The following TMEFF2 variants were observed in gnomAD, a reference collection of about 807,000 sequenced individuals.
TMEFF2 encodes the protein tomoregulin-2.
In TMEFF2, 28 loss-of-function variants were observed where a neutral mutation model predicts 53.8. The observed-to-expected ratio is 0.52, with a 90% CI of 0.39 to 0.71. TMEFF2 has a LOEUF of 0.71. Ranked by LOEUF, TMEFF2 falls within the 30% of genes least tolerant of loss-of-function variation. The probability of loss-of-function intolerance (pLI) is 0.00; values close to 1 mark genes in which losing one functional copy is unlikely to be tolerated. For missense variants in TMEFF2, 353 were observed against 455.2 expected, an observed-to-expected ratio of 0.78 and a Z score of 2.04; for synonymous variants, 162 against 166.3, an observed-to-expected ratio of 0.97 and a Z score of 0.20.
At chr2:192,061,208 C>G (rs1227014903) in intron 4 of TMEFF2, among the ~76,000 whole-genome samples, 6 of 152,098 alleles carry the variant, frequency 3.9e-5, no homozygotes, top group Non-Finnish European at 7.4e-5. Flanking sequence ...AAACAGTGAA[C>G]TATAATGTTC....
At chr2:192,153,594 T>C (rs1690438221) in intron 4 of TMEFF2, among the ~76,000 whole-genome samples, 3 of 151,872 alleles carry the variant, frequency 2.0e-5, no homozygotes, top group African/African-American at 7.2e-5. Context: ...AATTAGACTA[T>C]TTAAAATCAA....
chr2:192,064,671 T>C (rs1688127619), intron 4 of TMEFF2, among the ~76,000 whole-genome samples: 1 of 151,926 alleles, frequency 6.6e-6, no homozygotes, highest in South Asian at 2.1e-4. Context: ...TGCAGTTCCC[T>C]GATATCATCA....
At chr2:191,974,707 ATG>A (rs1234369915) in intron 7 of TMEFF2, among the ~76,000 whole-genome samples, 4 of 152,150 alleles carry the variant, frequency 2.6e-5, no homozygotes, top group Admixed American at 1.3e-4. Context: ...ATTTCCAGCC[ATG>A]TCTATAAAAG....
chr2:191,957,776 T>C (rs2105789113), intron 7 of TMEFF2, among the ~76,000 whole-genome samples: 1 of 152,344 alleles, frequency 6.6e-6, no homozygotes, highest in East Asian at 1.9e-4. Flanking sequence ...AGCCTGTAGA[T>C]GACATTTAAA....
intron 4 of TMEFF2, among the ~76,000 whole-genome samples, chr2:192,157,261 A>T (rs1469679855): frequency 6.6e-6 from 1 of 152,078 alleles, no homozygotes; most frequent in Non-Finnish European, 1.5e-5. Flanking sequence ...TTTGTTGCCA[A>T]ACATATCTGT....
intron 4 of TMEFF2, among the ~76,000 whole-genome samples, chr2:192,106,526 CAA>C (rs1689153291): frequency 6.6e-6 from 1 of 151,626 alleles, no homozygotes; most frequent in Non-Finnish European, 1.5e-5. Flanking sequence ...ACACTGTTTT[CAA>C]AAGATGTCCG....
At chr2:191,981,398 A>C (rs915512404) in intron 7 of TMEFF2, among the ~76,000 whole-genome samples, 4 of 152,028 alleles carry the variant, frequency 2.6e-5, no homozygotes, top group African/African-American at 9.7e-5. Context: ...AACACTCTTG[A>C]CTTCCCTTGT....
chr2:191,996,628 C>T (rs1686228526), intron 7 of TMEFF2, among the ~76,000 whole-genome samples: 1 of 151,728 alleles, frequency 6.6e-6, no homozygotes, highest in Non-Finnish European at 1.5e-5. Context: ...AACAATACTG[C>T]AAAACATGCC....
At chr2:192,076,278 C>T (rs1688430406) in intron 4 of TMEFF2, among the ~76,000 whole-genome samples, 1 of 151,988 alleles carries the variant, frequency 6.6e-6, no homozygotes, top group African/African-American at 2.4e-5. Flanking sequence ...TTGTCCTCTC[C>T]TTTCTATGTC....
In TMEFF2 at chr2:191,986,782, A is replaced by G. The variant is rs538853104; in HGVS notation, c.745+11480T>C. ...CTGAGGCAGGAGAATCACTAGAACC[A>G]GGGAAGCAGAGGTTGCCGTGAGCTG... is the stretch of plus-strand genomic sequence containing the variant. On this transcript the variant is annotated intron_variant, in intron 7 of 9. Coordinates refer to ENST00000272771, the MANE Select transcript of TMEFF2 (RefSeq NM_016192.4). Among the ~76,000 whole-genome samples, 4 of 149,258 alleles carry G rather than the reference A, an allele frequency of 2.7e-5. No individual in the cohort carries two copies. The South Asian group carries it at 8.6e-4, about 32-fold the overall frequency.
rs1470463347 is a variant in TMEFF2 at position 192,179,696 on chromosome 2, T to C, written c.413-2A>G. 2 of 1,518,310 alleles carry C rather than the reference T, an allele frequency of 1.3e-6. No individual in the cohort carries two copies. The highest frequency in any genetic ancestry group is 8.7e-7 in the Non-Finnish European group (1 of 1,143,364). The allele number at this position is 1,518,310 out of a possible 1,614,324, so 94.1% of individuals were successfully genotyped here. On this transcript the variant is annotated splice_acceptor_variant, in intron 3 of 9. Transcript: ENST00000272771. LOFTEE classifies it high-confidence loss of function. ...CATCTCCAGATCCTGATCCTGCATCTGTGGGGGGAAAAGTTATATTTGCTA... is the reference window on the plus strand; with the variant it reads ...CATCTCCAGATCCTGATCCTGCATCCGTGGGGGGAAAAGTTATATTTGCTA...
Position 191,964,335 on chromosome 2 carries a change from T to C in TMEFF2, c.746-7957A>G, listed in dbSNP as rs1221262653. On this transcript the variant is annotated intron_variant, in intron 7 of 9. Transcript: ENST00000272771. ...TCTTTCCTTCCTTCCTTTCTTTCCT[T>C]CTTTCTTTCTTTCTTTCTTTCTTTC... Among the ~76,000 whole-genome samples, 34 of 26,982 alleles carry C rather than the reference T, an allele frequency of 1.3e-3. 1 individual carries two copies. Among genetic ancestry groups the C allele is most frequent in the African/African-American group, 4.5e-3 (34 of 7,538 alleles). 17.7% of individuals were successfully genotyped at this position (26,982 alleles called of 152,430 possible).
rs71033662 is a variant in TMEFF2, at chr2:192,164,978, CTGTG to C, written c.439+14686_439+14689del. 1.2e-3 allele frequency among the ~76,000 whole-genome samples: 175 copies of C among 145,164 alleles called. 1 individual carries two copies. Among genetic ancestry groups the C allele is most frequent in the Middle Eastern group, 7.0e-3 (2 of 286 alleles). On this transcript the variant is annotated intron_variant, in intron 4 of 9. Coordinates refer to ENST00000272771, the MANE Select transcript of TMEFF2 (RefSeq NM_016192.4). ...GCAGAATGAATACTCTGAATAAAAA[CTGTG>C]TGTGTGTGTGTGTGTGTGTGTGTGT...
chr2:192,102,851 G>A (rs117474685), intron 4 of TMEFF2, among the ~76,000 whole-genome samples: 5 of 151,882 alleles, frequency 3.3e-5, no homozygotes, highest in East Asian at 3.9e-4. Flanking sequence ...AATTACAGGC[G>A]TGAGCCACCA....
chr2:191,971,607 T>G (rs188252989), intron 7 of TMEFF2, among the ~76,000 whole-genome samples: 1 of 152,298 alleles, frequency 6.6e-6, no homozygotes, highest in East Asian at 1.9e-4. Flanking sequence ...ACAAACATGT[T>G]TTCTCTCATG....
intron 7 of TMEFF2, among the ~76,000 whole-genome samples, chr2:191,969,919 A>G (rs1692586149): frequency 1.3e-5 from 2 of 152,192 alleles, no homozygotes; most frequent in South Asian, 4.1e-4. Context: ...TCATGGAATC[A>G]CTCTAAGAAA....
chr2:192,137,361 ACACATTC>A (rs1023049835), intron 4 of TMEFF2, among the ~76,000 whole-genome samples: 1 of 152,214 alleles, frequency 6.6e-6, no homozygotes, highest in African/African-American at 2.4e-5. Flanking sequence ...AGGGCACAAC[ACACATTC>A]CCATCCCATT....
intron 4 of TMEFF2, among the ~76,000 whole-genome samples, chr2:192,140,444 AGAT>A (rs1343343786): frequency 6.6e-6 from 1 of 152,212 alleles, no homozygotes; most frequent in Non-Finnish European, 1.5e-5. Flanking sequence ...GCACCGAGGG[AGAT>A]GATATTTCTA....
chr2:192,166,469 G>C (rs1158987040), intron 4 of TMEFF2, among the ~76,000 whole-genome samples: 8 of 152,096 alleles, frequency 5.3e-5, no homozygotes, highest in Admixed American at 5.2e-4. Context: ...CATTCCTGTA[G>C]AAATTCCCAA....
Sources: allele counts gnomAD v4.1 joint callset (sites outside exome capture counted in the v4.1 genomes callset), GRCh38; gene constraint gnomAD v4.1.1; transcripts MANE v1.5; gene names NCBI Gene and HGNC (gene_info 2026-07-23, HGNC 2026-07-21).